UBE2K: variants seen among roughly 807,000 people sequenced by gnomAD.
The protein encoded by UBE2K is ubiquitin-conjugating enzyme E2 K.
A neutral mutation model predicts 30.0 loss-of-function variants in UBE2K; 6 were observed. That is an observed-to-expected ratio of 0.20 (90% confidence interval 0.11 to 0.39). The LOEUF (loss-of-function observed/expected upper bound fraction) is 0.39, where lower values mean the gene tolerates loss of function less well. UBE2K is among the 10% of genes least tolerant of loss of function. The pLI, the probability that UBE2K is intolerant of heterozygous loss-of-function variation, is 1.00. For synonymous variants in UBE2K, 86 were observed against 83.7 expected (o/e 1.03, Z -0.15); for missense variants, 61 against 241.6 (o/e 0.25, Z 4.96).
At chr4:39,705,223 A>C (rs1476631457) in intron 1 of UBE2K, among the ~76,000 whole-genome samples, 4 of 122,406 alleles carry the variant, frequency 3.3e-5, no homozygotes, top group African/African-American at 9.5e-5. Context: ...TGGGAGACAG[A>C]GTCTTGCTCT....
At chr4:39,731,429 C>T (rs1220694239) in intron 1 of UBE2K, among the ~76,000 whole-genome samples, 1 of 151,996 alleles carries the variant, frequency 6.6e-6, no homozygotes, top group East Asian at 1.9e-4. Context: ...CCTGTAATCC[C>T]AGCACTTTGG....
At chr4:39,708,357 A>G (rs566708815) in intron 1 of UBE2K, among the ~76,000 whole-genome samples, 11 of 152,208 alleles carry the variant, frequency 7.2e-5, no homozygotes, top group Non-Finnish European at 1.6e-4. Flanking sequence ...GAGTTAGATC[A>G]TGATCTTAAC....
intron 4 of UBE2K, among the ~76,000 whole-genome samples, chr4:39,765,915 A>T (rs1266967206): frequency 1.3e-5 from 2 of 151,320 alleles, no homozygotes; most frequent in African/African-American, 4.9e-5. Context: ...ATATATACAT[A>T]CATACATACA....
At chr4:39,739,750 C>T (rs1360127382) in intron 2 of UBE2K, among the ~76,000 whole-genome samples, 1 of 151,952 alleles carries the variant, frequency 6.6e-6, no homozygotes, top group East Asian at 1.9e-4. Context: ...GCACCCAGCC[C>T]ATTTTTTTCT....
intron 1 of UBE2K, among the ~76,000 whole-genome samples, chr4:39,727,293 C>G (rs1350249130): frequency 6.6e-6 from 1 of 152,146 alleles, no homozygotes; most frequent in Admixed American, 6.5e-5. Context: ...GAGAGTAGGA[C>G]TTGATGTGAA....
At chr4:39,725,071 C>T (rs576772957) in intron 1 of UBE2K, among the ~76,000 whole-genome samples, 2 of 151,898 alleles carry the variant, frequency 1.3e-5, no homozygotes, top group African/African-American at 2.4e-5. Flanking sequence ...CTTTGAGTAA[C>T]GTCCTGTTGT....
chr4:39,716,733 C>T (rs750881511), intron 1 of UBE2K, among the ~76,000 whole-genome samples: 48 of 152,096 alleles, frequency 3.2e-4, no homozygotes, highest in Non-Finnish European at 5.3e-4. Context: ...CACGGTGGCT[C>T]ACGCCTGTAA....
chr4:39,774,704 TAACTA>T, intron 4 of UBE2K, 125 bp from the exon 5 acceptor site: 1 of 436,120 alleles, frequency 2.3e-6, no homozygotes, highest in Non-Finnish European at 4.0e-6. Flanking sequence ...GTCTATGACT[TAACTA>T]TATAATTAAG....
At chr4:39,726,707 T>A (rs1215015295) in intron 1 of UBE2K, among the ~76,000 whole-genome samples, 1 of 152,136 alleles carries the variant, frequency 6.6e-6, no homozygotes, top group East Asian at 1.9e-4. Flanking sequence ...ACGATTCTCC[T>A]CCCTCAGCCT....
intron 4 of UBE2K, among the ~76,000 whole-genome samples, chr4:39,773,497 T>C (rs1260445154): frequency 6.6e-6 from 1 of 151,050 alleles, no homozygotes; most frequent in African/African-American, 2.4e-5. Context: ...AAAAAGAAAA[T>C]ATATTTGTTT....
At position 39,706,713 on chromosome 4, in the gene UBE2K, G is replaced by C. The variant is rs1275348426; in HGVS notation, c.63+8323G>C. ...CTCCCAAAGTGATAAGATTACAAGT[G>C]TGAGCCACAATGCCCAGCCAAGACT... On this transcript the variant is annotated intron_variant, in intron 1 of 6. Coordinates refer to ENST00000261427, the MANE Select transcript of UBE2K (RefSeq NM_005339.5). 2.0e-5 allele frequency among the ~76,000 whole-genome samples: 3 copies of C among 151,726 alleles called. No homozygotes were observed. In the East Asian group the frequency reaches 5.8e-4, roughly 29 times the overall value.
chr4:39,717,360 A>C (rs527380606), intron 1 of UBE2K, among the ~76,000 whole-genome samples: 164 of 151,844 alleles, frequency 1.1e-3, no homozygotes, highest in Non-Finnish European at 1.8e-3. Flanking sequence ...CCTCCTGAGT[A>C]GCTGGGATTA....
intron 5 of UBE2K, among the ~76,000 whole-genome samples, chr4:39,777,166 T>C (rs1713328964): frequency 6.6e-6 from 1 of 152,214 alleles, no homozygotes; most frequent in African/African-American, 2.4e-5. Context: ...TCTCAAGTTA[T>C]GTAATAAGTT....
intron 4 of UBE2K, chr4:39,771,178 G>T (rs1712796214): frequency 6.2e-7 from 1 of 1,613,188 alleles, no homozygotes; most frequent in Non-Finnish European, 8.5e-7. Context: ...CGTGTAGCAG[G>T]AGAGAAGCAG....
At chr4:39,732,992 T>A (rs1720155807) in intron 1 of UBE2K, among the ~76,000 whole-genome samples, 1 of 150,708 alleles carries the variant, frequency 6.6e-6, no homozygotes, top group Admixed American at 6.6e-5. Flanking sequence ...CTATAGCTTT[T>A]ATATATCTCT....
intron 1 of UBE2K, among the ~76,000 whole-genome samples, chr4:39,724,690 A>G (rs1719640269): frequency 6.6e-6 from 1 of 150,484 alleles, no homozygotes; most frequent in South Asian, 2.1e-4. Context: ...GGATCACTTT[A>G]GCCCCGGAGG....
chr4:39,699,483 A>C (rs1365988703), intron 1 of UBE2K, among the ~76,000 whole-genome samples: 2 of 152,228 alleles, frequency 1.3e-5, no homozygotes, highest in African/African-American at 4.8e-5. Flanking sequence ...TATTTATGTA[A>C]GATATTCACA....
At position 39,736,425 on chromosome 4, in the gene UBE2K, G is replaced by A. The variant is rs555270888; in HGVS notation, c.64-995G>A. 3.3e-5 allele frequency among the ~76,000 whole-genome samples: 5 copies of A among 152,304 alleles called. No homozygotes were observed. In the East Asian group the frequency reaches 9.6e-4, roughly 29 times the overall value. Reference sequence around the variant, plus strand: ...TGCAGTGAGCCGAGATCGTGCCATCGCACTCCAGCCTGGGCAGCAAGAGCA... The same window carrying A: ...TGCAGTGAGCCGAGATCGTGCCATCACACTCCAGCCTGGGCAGCAAGAGCA... On this transcript the variant is annotated intron_variant, in intron 1 of 6. Transcript: ENST00000261427.
At chr4:39,770,618 C>G in intron 4 of UBE2K, 5 of 1,595,948 alleles carry the variant, frequency 3.1e-6, no homozygotes, top group Non-Finnish European at 4.3e-6. Flanking sequence ...GCAGGCTCTC[C>G]CCTTCTGCGT....
Sources: gnomAD v4.1 joint callset for allele counts (sites outside exome capture counted in the v4.1 genomes callset) on GRCh38, gnomAD v4.1.1 for gene constraint, MANE v1.5 for transcripts, NCBI Gene and HGNC (gene_info 2026-07-23, HGNC 2026-07-21) for gene names.